Variants in PDE5A observed in about 807,000 individuals in gnomAD.
PDE5A encodes phosphodiesterase 5A.
PDE5A carries 67 observed loss-of-function variants against 110.2 expected under a neutral mutation model. The observed-to-expected ratio is 0.61, with a 90% CI of 0.50 to 0.75. The LOEUF is 0.75. Among genes scored for constraint, PDE5A ranks in the 30% least tolerant of loss-of-function variants. The pLI, the probability that PDE5A is intolerant of heterozygous loss-of-function variation, is 0.00. For synonymous variants in PDE5A, 328 were observed against 351.2 expected (o/e 0.93, Z 0.74); for missense variants, 862 against 1,045.1 (o/e 0.82, Z 2.42).
At chr4:119,544,683 A>T (rs1727071856) in intron 9 of PDE5A, among the ~76,000 whole-genome samples, 1 of 152,222 alleles carries the variant, frequency 6.6e-6, no homozygotes, top group Admixed American at 6.5e-5. Context: ...TTACTTCACA[A>T]GAATTACTAC....
intron 1 of PDE5A, among the ~76,000 whole-genome samples, chr4:119,607,812 G>A (rs1486383289): frequency 6.6e-6 from 1 of 152,004 alleles, no homozygotes; most frequent in African/African-American, 2.4e-5. Flanking sequence ...CTTAATAAAG[G>A]CTGACTTCTA....
At chr4:119,579,403 G>A (rs1378140487) in intron 3 of PDE5A, among the ~76,000 whole-genome samples, 16 of 152,078 alleles carry the variant, frequency 1.1e-4, no homozygotes, top group South Asian at 6.2e-4. Flanking sequence ...TGTTTATTGC[G>A]GCACTATTCA....
rs1730389255 is a variant in PDE5A, at chr4:119,627,304, G to C, written c.152+1216C>G. The C allele has an allele frequency of 4.6e-6, 6 of 1,294,396 alleles. No homozygotes were observed. Among genetic ancestry groups the C allele is most frequent in the South Asian group, 2.1e-5 (1 of 46,598 alleles). 80.2% of individuals were successfully genotyped at this position (1,294,396 alleles called of 1,614,324 possible). ...TCAGAACCAGCTCCCTCACGGCCCC[G>C]GCCTCCGCGCCGCCGCCCGTCGCCT... On this transcript the variant is annotated intron_variant, in intron 1 of 20. Transcript: ENST00000354960. The surrounding 1 kb of genome is among the most constrained non-coding windows in gnomAD (Gnocchi z 4.6).
chr4:119,543,292 T>C (rs1289908913), intron 9 of PDE5A: 1 of 152,162 alleles, frequency 6.6e-6, no homozygotes, highest in African/African-American at 2.4e-5. Context: ...AGGATAAATC[T>C]TAACTGGTTG....
In PDE5A at chr4:119,615,117, G is replaced by T. The variant is rs1729889510; in HGVS notation, c.153-7820C>A. Among the ~76,000 whole-genome samples the T allele has an allele frequency of 4.6e-5, 7 of 152,264 alleles. 1 individual carries two copies. The highest frequency in any genetic ancestry group is 4.6e-4 in the Admixed American group (7 of 15,294). Reference sequence around the variant, plus strand: ...AGATCTTCAGTGGTAAAAATGGGCTGCTGTATTAACAGGCTATTAAGACTC... The same window carrying T: ...AGATCTTCAGTGGTAAAAATGGGCTTCTGTATTAACAGGCTATTAAGACTC... On this transcript the variant is annotated intron_variant, in intron 1 of 20. Coordinates refer to ENST00000354960, the MANE Select transcript of PDE5A (RefSeq NM_001083.4).
At chr4:119,619,325 G>A (rs1730061181) in intron 1 of PDE5A, among the ~76,000 whole-genome samples, 1 of 152,046 alleles carries the variant, frequency 6.6e-6, no homozygotes, top group African/African-American at 2.4e-5. Context: ...CGGCTCTCCT[G>A]GTGAGAAAAA....
chr4:119,563,645 G>T (rs999502865), intron 5 of PDE5A, among the ~76,000 whole-genome samples: 5 of 152,114 alleles, frequency 3.3e-5, no homozygotes, highest in Non-Finnish European at 4.4e-5. Context: ...TGAAAGTTTT[G>T]ATTAGATTTT....
chr4:119,593,124 A>C (rs1047971135), intron 3 of PDE5A, among the ~76,000 whole-genome samples: 5 of 152,356 alleles, frequency 3.3e-5, no homozygotes, highest in African/African-American at 1.2e-4. Context: ...TACACTGCTG[A>C]TAAGAATGAA....
At chr4:119,626,562 C>A (rs1245651275) in intron 1 of PDE5A, among the ~76,000 whole-genome samples, 3 of 152,142 alleles carry the variant, frequency 2.0e-5, no homozygotes. Context: ...TCATTCTATG[C>A]GCTGTAATTC....
In PDE5A at chr4:119,553,739, C is replaced by T; in HGVS notation, c.1207G>A (p.Asp403Asn). 1 of 1,552,290 alleles carries T rather than the reference C, an allele frequency of 6.4e-7. No homozygotes were observed. The highest frequency in any genetic ancestry group is 8.9e-7 in the Non-Finnish European group (1 of 1,124,702). The change falls in exon 8 of 21, where the codon GAT becomes AAT. Residue 403 changes from aspartate (D) to asparagine (N), a missense_variant. Transcript: ENST00000354960. ...TACATGTAATTGATTTTGTTTGCAT[C>T]ATGTTCCCTGTGAAAATAACAGATA... ...KSSDTLTREH[D>N]ANKINYMYAQ...
intron 1 of PDE5A, among the ~76,000 whole-genome samples, chr4:119,624,543 T>A (rs931546276): frequency 1.2e-4 from 19 of 152,234 alleles, no homozygotes; most frequent in Admixed American, 5.2e-4. Flanking sequence ...TGGACTTTGA[T>A]CCAAGCTGTC....
chr4:119,623,908 TAGGAATCATGTAGTTTA>T (rs1730249302), intron 1 of PDE5A, among the ~76,000 whole-genome samples: 1 of 152,232 alleles, frequency 6.6e-6, no homozygotes, highest in Non-Finnish European at 1.5e-5. Context: ...ACCACATTTT[TAGGAATCATGTAGTTTA>T]GGCTCTAACA....
chr4:119,559,984 C>A (rs995628712), intron 7 of PDE5A, among the ~76,000 whole-genome samples: 2 of 152,172 alleles, frequency 1.3e-5, no homozygotes, highest in Non-Finnish European at 2.9e-5. Context: ...AGTTACACCC[C>A]ACCCTTTGCT....
Position 119,613,675 on chromosome 4 carries a change from C to T in PDE5A, c.153-6378G>A, listed in dbSNP as rs111952100. 8.1e-3 allele frequency among the ~76,000 whole-genome samples: 1,233 copies of T among 152,094 alleles called. 11 individuals are homozygous for T. The highest frequency in any genetic ancestry group is 0.028 in the African/African-American group (1,177 of 41,478). ...AGTAGTTCTGACTGGGTAATCACTT[C>T]GATGGTCTAGGATAGGACCTCTATT... On this transcript the variant is annotated intron_variant, in intron 1 of 20. Transcript: ENST00000354960.
At chr4:119,605,733 TTAA>T (rs1345612890) in intron 2 of PDE5A, among the ~76,000 whole-genome samples, 1 of 6,660 alleles carries the variant, frequency 1.5e-4, no homozygotes, top group African/African-American at 1.6e-4. Flanking sequence ...TTGGCATCTG[TTAA>T]TGACCTGCTC....
At chr4:119,518,984 A>T in intron 14 of PDE5A, 61 bp downstream of exon 14, 7 of 1,209,792 alleles carry the variant, frequency 5.8e-6, no homozygotes, top group Non-Finnish European at 8.5e-6. Context: ...GCTTTAACTT[A>T]AAAAAAGACA....
At position 119,625,248 on chromosome 4, in the gene PDE5A, C is replaced by T. The variant is rs141328415; in HGVS notation, c.152+3272G>A. ...TCCTGACGTCGTGATCTGCCCGCCT[C>T]GGCCTCCCAAAGTGCTGGGATTACA... is the stretch of plus-strand genomic sequence containing the variant. On this transcript the variant is annotated intron_variant, in intron 1 of 20. Transcript: ENST00000354960. Among the ~76,000 whole-genome samples, 219 of 152,240 alleles carry T rather than the reference C, an allele frequency of 1.4e-3. 1 individual carries two copies. The highest frequency in any genetic ancestry group is 3.9e-3 in the Admixed American group (60 of 15,284).
intron 19 of PDE5A, among the ~76,000 whole-genome samples, chr4:119,502,098 A>G (rs1338683444): frequency 6.6e-6 from 1 of 152,102 alleles, no homozygotes; most frequent in Non-Finnish European, 1.5e-5. Context: ...TTCTTTTGGT[A>G]TCTCTCCTTC....
intron 12 of PDE5A, among the ~76,000 whole-genome samples, chr4:119,521,501 G>A (rs1726126835): frequency 6.6e-6 from 1 of 151,392 alleles, no homozygotes; most frequent in Non-Finnish European, 1.5e-5. Context: ...CCACTCCCAA[G>A]TTCTTCCCAT....
Sources: gnomAD v4.1 joint callset for allele counts (sites outside exome capture counted in the v4.1 genomes callset) on GRCh38, gnomAD v4.1.1 for gene constraint, Gnocchi (gnomAD v3.1) non-coding constraint, MANE v1.5 for transcripts, NCBI Gene and HGNC (gene_info 2026-07-23, HGNC 2026-07-21) for gene names.